The following ANK2 variants were observed in gnomAD, a reference collection of about 807,000 sequenced individuals.
ANK2 encodes the protein ankyrin-2.
In ANK2, 83 loss-of-function variants were observed where a neutral mutation model predicts 360.5. The observed-to-expected ratio is 0.23, with a 90% CI of 0.19 to 0.28. The LOEUF is 0.28. ANK2 is among the 10% of genes least tolerant of loss of function. The probability of loss-of-function intolerance (pLI) is 1.00; values close to 1 mark genes in which losing one functional copy is unlikely to be tolerated. For missense variants in ANK2, 4,201 were observed against 4,795.7 expected (o/e 0.88, Z 3.66); for synonymous variants, 1,740 against 1,759.5 (o/e 0.99, Z 0.28).
intron 2 of ANK2, among the ~76,000 whole-genome samples, chr4:112,934,529 T>TCAACATTTA (rs1470438764): frequency 4.6e-5 from 7 of 152,218 alleles, no homozygotes; most frequent in African/African-American, 7.2e-5. Context: ...GTCAATTCAG[T>TCAACATTTA]GGTATTTATT....
chr4:113,139,780 G>A (rs1200220909), intron 1 of ANK2, among the ~76,000 whole-genome samples: 3 of 152,170 alleles, frequency 2.0e-5, no homozygotes, highest in South Asian at 2.1e-4. Context: ...TGTTAGCACT[G>A]TTTATTAAAG....
the ANK2 span, among the ~76,000 whole-genome samples, chr4:112,809,634 C>G: frequency 6.7e-6 from 1 of 150,236 alleles, no homozygotes; most frequent in Non-Finnish European, 1.5e-5. Context: ...GTAATCCTAG[C>G]ACTTTAGGAG....
chr4:113,137,175 G>T (rs1056259805), intron 1 of ANK2, among the ~76,000 whole-genome samples: 2 of 152,198 alleles, frequency 1.3e-5, no homozygotes, highest in African/African-American at 4.8e-5. Flanking sequence ...GGAGTTCCTT[G>T]AATAGGTCTG....
intron 1 of ANK2, among the ~76,000 whole-genome samples, chr4:113,126,526 G>C (rs1023376807): frequency 5.9e-5 from 9 of 152,130 alleles, no homozygotes; most frequent in African/African-American, 2.2e-4. Context: ...GAGGACAGAG[G>C]TTACTTAGGA....
chr4:112,715,821 A>G, the ANK2 span, among the ~76,000 whole-genome samples: 1 of 152,112 alleles, frequency 6.6e-6, no homozygotes, highest in African/African-American at 2.4e-5. Context: ...TTGCTCACAT[A>G]GGGCCTGCAC....
intron 1 of ANK2, among the ~76,000 whole-genome samples, chr4:112,834,911 G>A (rs1026089): frequency 0.3 from 45,490 of 152,002 alleles, 6,921 homozygotes; most frequent in East Asian, 0.35. Context: ...TTGACTGGTC[G>A]TTTCCTCCAG....
chr4:113,151,782 T>C (rs2097096103), intron 1 of ANK2, among the ~76,000 whole-genome samples: 1 of 151,738 alleles, frequency 6.6e-6, no homozygotes, highest in Non-Finnish European at 1.5e-5. Flanking sequence ...TTGGTGAAGG[T>C]AGGCTGGGCA....
At position 113,374,079 on chromosome 4, in the gene ANK2, A is replaced by C. The variant is rs943871524; in HGVS notation, c.11859+630A>C. On this transcript the variant is annotated intron_variant, in intron 45 of 45. Coordinates refer to ENST00000357077, the MANE Select transcript of ANK2 (RefSeq NM_001148.6). ...GCTGGGATTACAGGCACCCACCACCACACCTGGCTAATTTTTGTATTTTTA... is the reference window on the plus strand; with the variant it reads ...GCTGGGATTACAGGCACCCACCACCCCACCTGGCTAATTTTTGTATTTTTA... Among the ~76,000 whole-genome samples the C allele has an allele frequency of 2.6e-4, 40 of 152,134 alleles. No individual in the cohort carries two copies. The South Asian group carries it at 2.9e-3, about 11-fold the overall frequency.
chr4:113,213,869 C>T (rs1415513960), intron 4 of ANK2, among the ~76,000 whole-genome samples: 1 of 151,596 alleles, frequency 6.6e-6, no homozygotes, highest in Non-Finnish European at 1.5e-5. Flanking sequence ...TTTGACATTG[C>T]AATCAATCCC....
intron 9 of ANK2, among the ~76,000 whole-genome samples, chr4:113,245,067 T>C (rs146918545): frequency 4.3e-4 from 66 of 152,280 alleles, no homozygotes; most frequent in Admixed American, 4.0e-3. Flanking sequence ...TAGGGTTGCA[T>C]TGATCTTTTT....
intron 1 of ANK2, among the ~76,000 whole-genome samples, chr4:113,062,877 T>C (rs1324624063): frequency 1.3e-5 from 2 of 152,096 alleles, no homozygotes; most frequent in Non-Finnish European, 2.9e-5. Context: ...TATTTTGCCT[T>C]TTCTGTCTAC....
At chr4:113,329,782 C>A (rs1305078613) in intron 26 of ANK2, among the ~76,000 whole-genome samples, 1 of 152,176 alleles carries the variant, frequency 6.6e-6, no homozygotes, top group African/African-American at 2.4e-5. Flanking sequence ...GATGTTGGAA[C>A]AGGATGCAGA....
chr4:112,868,050 T>G (rs2150209957), intron 1 of ANK2, among the ~76,000 whole-genome samples: 1 of 152,340 alleles, frequency 6.6e-6, no homozygotes, highest in African/African-American at 2.4e-5. Flanking sequence ...TTTCTCCATA[T>G]CCTCGCTAAC....
chr4:113,353,259 G>T lies in ANK2; in HGVS notation c.4641G>T (p.Glu1547Asp). Residue 1547 changes from glutamate (E) to aspartate (D), a missense_variant, in exon 38 of 46, where the codon GAG becomes GAT. Around this residue, in one of 4 missense-constraint regions of ANK2, gnomAD observed 1,268 missense variants for 1,650.8 expected, o/e 0.77. Transcript: ENST00000357077. ...AGGCTGCTGAGGAAGAGCCAGGAGA[G>T]CCTTTTGAAATCGTTGAAAGAGTTA... ...LVKAAEEEPG[E>D]PFEIVERVKE... The T allele has an allele frequency of 6.2e-7, 1 of 1,613,974 alleles. No homozygotes were observed. The highest frequency in any genetic ancestry group is 1.3e-5 in the African/African-American group (1 of 74,994).
intron 2 of ANK2, among the ~76,000 whole-genome samples, chr4:112,983,464 G>A (rs1666166984): frequency 6.6e-6 from 1 of 151,832 alleles, no homozygotes; most frequent in Admixed American, 6.6e-5. Flanking sequence ...ATCACCTGAG[G>A]TTGGGAGATC....
At chr4:113,348,011 C>T in intron 35 of ANK2, 1 of 484,278 alleles carries the variant, frequency 2.1e-6, no homozygotes, top group Non-Finnish European at 3.7e-6. Context: ...TTTGAGACTG[C>T]CGTGGTGACC....
chr4:113,373,632 G>A, intron 45 of ANK2, 183 bp downstream of exon 45: 1 of 781,236 alleles, frequency 1.3e-6, no homozygotes, highest in Admixed American at 1.7e-5. Context: ...ACAGCCATCA[G>A]GGAGACTTGT....
intron 1 of ANK2, among the ~76,000 whole-genome samples, chr4:113,098,906 G>A (rs1401835369): frequency 6.6e-6 from 1 of 151,852 alleles, no homozygotes; most frequent in African/African-American, 2.4e-5. Flanking sequence ...AAAATCGTAT[G>A]ATCATATAAG....
At chr4:112,796,913 G>A in the ANK2 span, 2 of 152,304 alleles carry the variant, frequency 1.3e-5, no homozygotes, top group South Asian at 4.1e-4. Flanking sequence ...CAAAAAGTGA[G>A]GATCACCTGA....
Sources: gnomAD v4.1 joint callset for allele counts (sites outside exome capture counted in the v4.1 genomes callset) on GRCh38, gnomAD v4.1.1 for gene constraint, gnomAD v4.1.1 regional missense constraint, MANE v1.5 for transcripts, NCBI Gene and HGNC (gene_info 2026-07-23, HGNC 2026-07-21) for gene names.